The following CNTN5 variants were observed in gnomAD, a reference collection of about 807,000 sequenced individuals.
CNTN5 encodes contactin 5, also known as contactin-5.
A neutral mutation model predicts 129.1 loss-of-function variants in CNTN5; 77 were observed. The observed-to-expected ratio is 0.60, with a 90% CI of 0.50 to 0.72. CNTN5 has a LOEUF of 0.72. Among genes scored for constraint, CNTN5 ranks in the 30% least tolerant of loss-of-function variants. CNTN5 has a pLI of 0.00. For missense variants in CNTN5, 1,478 were observed against 1,328.8 expected (o/e 1.11, Z -1.75); for synonymous variants, 509 against 465.6 (o/e 1.09, Z -1.20).
intron 7 of CNTN5, among the ~76,000 whole-genome samples, chr11:99,951,557 T>TA (rs1234272612): frequency 1.3e-5 from 2 of 152,180 alleles, no homozygotes; most frequent in African/African-American, 2.4e-5. Flanking sequence ...ATGAGGCTAT[T>TA]AACCTCTGAT....
chr11:100,087,981 A>T (rs1262046549), intron 13 of CNTN5, among the ~76,000 whole-genome samples: 1 of 152,012 alleles, frequency 6.6e-6, no homozygotes, highest in Non-Finnish European at 1.5e-5. Flanking sequence ...AATTACATGG[A>T]AATTTAACAA....
chr11:100,096,086 A>T (rs1944999916), intron 13 of CNTN5, among the ~76,000 whole-genome samples: 1 of 152,064 alleles, frequency 6.6e-6, no homozygotes, highest in African/African-American at 2.4e-5. Context: ...CTAAAGTTAG[A>T]AGGATCCTTT....
At chr11:100,023,783 T>C (rs1206992186) in intron 9 of CNTN5, among the ~76,000 whole-genome samples, 2 of 152,188 alleles carry the variant, frequency 1.3e-5, no homozygotes, top group Admixed American at 6.5e-5. Context: ...GGTTGGCCTT[T>C]TTAAATTTAG....
intron 1 of CNTN5, among the ~76,000 whole-genome samples, chr11:99,091,762 T>G (rs1866263388): frequency 6.6e-6 from 1 of 152,158 alleles, no homozygotes; most frequent in African/African-American, 2.4e-5. Context: ...CAACAGAACT[T>G]GAGCAACCTA....
rs144019236 is a variant in CNTN5 at position 99,341,451 on chromosome 11, T to C, written c.-71+15967T>C. On this transcript the variant is annotated intron_variant, in intron 2 of 24. Transcript: ENST00000524871. ...GAGGTAGTCTGCAAGTATGAAATTA[T>C]ATGGAATTTGTCATCAGGAAGCACG... 4.9e-4 allele frequency among the ~76,000 whole-genome samples: 74 copies of C among 152,302 alleles called. 1 individual carries two copies. The highest frequency in any genetic ancestry group is 1.7e-3 in the African/African-American group (72 of 41,588).
At chr11:99,627,461 A>AG (rs1376921810) in intron 3 of CNTN5, among the ~76,000 whole-genome samples, 2 of 91,516 alleles carry the variant, frequency 2.2e-5, no homozygotes, top group African/African-American at 6.3e-5. Flanking sequence ...TTTTAATGTG[A>AG]GAAAAAACTA....
chr11:99,861,042 G>A (rs191872660), intron 6 of CNTN5, among the ~76,000 whole-genome samples: 15 of 142,440 alleles, frequency 1.1e-4, no homozygotes, highest in Admixed American at 6.8e-4. Context: ...TGCAAACTGC[G>A]CCTCCCAGGT....
intron 16 of CNTN5, among the ~76,000 whole-genome samples, chr11:100,249,129 T>G (rs1052350193): frequency 6.6e-6 from 1 of 152,184 alleles, no homozygotes; most frequent in Admixed American, 6.6e-5. Context: ...CACTGCTAAA[T>G]TAGTATATGA....
At chr11:100,341,687 C>G (rs1952166702) in intron 23 of CNTN5, among the ~76,000 whole-genome samples, 1 of 152,148 alleles carries the variant, frequency 6.6e-6, no homozygotes, top group South Asian at 2.1e-4. Flanking sequence ...AAAACAGAGC[C>G]AACATTCACA....
chr11:99,168,352 G>A (rs1346235148), intron 1 of CNTN5, among the ~76,000 whole-genome samples: 1 of 151,978 alleles, frequency 6.6e-6, no homozygotes, highest in Admixed American at 6.6e-5. Flanking sequence ...GTGGGGGGAC[G>A]GCAGGTCACA....
Position 99,225,449 on chromosome 11 carries a change from A to G in CNTN5, c.-209-99897A>G, listed in dbSNP as rs143717515. 1.1e-3 allele frequency among the ~76,000 whole-genome samples: 166 copies of G among 152,248 alleles called. 3 individuals are homozygous for G. The East Asian group carries it at 0.03, about 27-fold the overall frequency. On this transcript the variant is annotated intron_variant, in intron 1 of 24. Coordinates refer to ENST00000524871, the MANE Select transcript of CNTN5 (RefSeq NM_014361.4). Reference sequence around the variant, plus strand: ...TTTACAACATAATTTTTCACGCAGCAGAACCAATTCCCTACTGATTCAGTA... The same window carrying G: ...TTTACAACATAATTTTTCACGCAGCGGAACCAATTCCCTACTGATTCAGTA...
chr11:99,246,705 A>T (rs1267020222), intron 1 of CNTN5, among the ~76,000 whole-genome samples: 1 of 152,158 alleles, frequency 6.6e-6, no homozygotes. Flanking sequence ...AAGAAAGACA[A>T]ACCATCCAAA....
At chr11:99,613,289 A>G (rs895916967) in intron 3 of CNTN5, among the ~76,000 whole-genome samples, 3 of 152,080 alleles carry the variant, frequency 2.0e-5, no homozygotes, top group Non-Finnish European at 4.4e-5. Context: ...AGCTCTCATG[A>G]GATCTGATGG....
At chr11:99,433,612 C>G (rs995997007) in intron 2 of CNTN5, among the ~76,000 whole-genome samples, 1 of 151,672 alleles carries the variant, frequency 6.6e-6, no homozygotes, top group African/African-American at 2.4e-5. Flanking sequence ...AAAGTATTGC[C>G]GAATACATCA....
chr11:99,795,171 G>T (rs961486136), intron 3 of CNTN5, among the ~76,000 whole-genome samples: 4 of 151,980 alleles, frequency 2.6e-5, no homozygotes, highest in Non-Finnish European at 4.4e-5. Context: ...GTTAGAGTTG[G>T]TTTTTGAGCT....
At chr11:99,424,383 A>G (rs1003995687) in intron 2 of CNTN5, among the ~76,000 whole-genome samples, 5 of 152,200 alleles carry the variant, frequency 3.3e-5, no homozygotes, top group African/African-American at 1.2e-4. Context: ...GGCTGGTGGC[A>G]CCCAGCATGC....
At chr11:99,938,029 A>T (rs1475162280) in intron 7 of CNTN5, among the ~76,000 whole-genome samples, 1 of 152,232 alleles carries the variant, frequency 6.6e-6, no homozygotes, top group African/African-American at 2.4e-5. Flanking sequence ...TGTTTGTATC[A>T]TGCGAATAGG....
intron 16 of CNTN5, among the ~76,000 whole-genome samples, chr11:100,251,399 C>T (rs922825674): frequency 6.6e-6 from 1 of 152,070 alleles, no homozygotes; most frequent in African/African-American, 2.4e-5. Flanking sequence ...TATTCATCAT[C>T]TTAAACATTT....
chr11:99,409,981 T>A (rs938576276), intron 2 of CNTN5, among the ~76,000 whole-genome samples: 5 of 152,246 alleles, frequency 3.3e-5, no homozygotes, highest in African/African-American at 1.2e-4. Flanking sequence ...CAAGTTGCTC[T>A]CAGGTTATTC....
Sources: allele counts gnomAD v4.1 joint callset (sites outside exome capture counted in the v4.1 genomes callset), GRCh38; gene constraint gnomAD v4.1.1; transcripts MANE v1.5; gene names NCBI Gene and HGNC (gene_info 2026-07-23, HGNC 2026-07-21).